INF2: variants seen among roughly 807,000 people sequenced by gnomAD.
INF2 encodes inverted formin-2.
A neutral mutation model predicts 123.5 loss-of-function variants in INF2; 43 were observed. The ratio of observed to expected loss-of-function variants is 0.35; its 90% CI spans 0.27 to 0.45. The LOEUF (loss-of-function observed/expected upper bound fraction) is 0.45. INF2 is among the 20% of genes least tolerant of loss of function. INF2 has a pLI of 1.00. For missense variants in INF2, 1,453 were observed against 1,682.7 expected, an observed-to-expected ratio of 0.86 and a Z score of 2.39; for synonymous variants, 851 against 745.0, an observed-to-expected ratio of 1.14 and a Z score of -2.32.
At chr14:104,687,995 C>T (rs912409279), upstream of INF2, among the ~76,000 whole-genome samples, 1 of 152,246 alleles carries the variant, frequency 6.6e-6, no homozygotes, top group Non-Finnish European at 1.5e-5. This position sits in a 1 kb window ranked among gnomAD's most constrained non-coding sequence, Gnocchi z 5.6. Context: ...AGGGCAGGCA[C>T]CAATGTTCGG....
chr14:104,713,750 G>A (rs1890163248), intron 20 of INF2, 144 bp downstream of exon 20: 3 of 897,372 alleles, frequency 3.3e-6, no homozygotes, highest in African/African-American at 3.4e-5. Flanking sequence ...GGACAGCCGA[G>A]GGGACAGGTG....
At chr14:104,686,694 C>T (rs1364282294), upstream of INF2, among the ~76,000 whole-genome samples, 3 of 152,188 alleles carry the variant, frequency 2.0e-5, no homozygotes, top group Admixed American at 6.5e-5. Context: ...GAAATGAACC[C>T]ATGGCCAGGC....
Position 104,707,650 on chromosome 14 carries a change from A to G in INF2, c.1383A>G (p.Pro461=), listed in dbSNP as rs760078086. The G allele has an allele frequency of 3.6e-6, 1 of 281,254 alleles. No homozygotes were observed. The highest frequency in any genetic ancestry group is 5.5e-6 in the Non-Finnish European group (1 of 183,230). The allele number at this position is 281,254 out of a possible 1,614,324, so 17.4% of individuals were successfully genotyped here. ...CCCTCCCAACAGCACCCCCGCCCCC[A>G]CCCCTGCCAGGCCTGGGGGCCATGG... ...AKALPTAPPP[P]PLPGLGAMAP... The change falls in exon 8 of 23, where the codon CCA becomes CCG. Residue 461 remains proline (P), a synonymous_variant. Transcript: ENST00000392634.
At position 104,712,421 on chromosome 14, in the gene INF2, C is replaced by T. The variant is rs762619345; in HGVS notation, c.2490-12C>T. ...CCGTTGCTGTCTCTGCCCGGCCCTCCTCACCTTTCAGGATCAACCTGGAGA... is the reference window on the plus strand; with the variant it reads ...CCGTTGCTGTCTCTGCCCGGCCCTCTTCACCTTTCAGGATCAACCTGGAGA... On this transcript the variant is annotated splice_polypyrimidine_tract_variant and intron_variant, in intron 16 of 22. Transcript: ENST00000392634. 13 of 1,612,196 alleles carry T rather than the reference C, an allele frequency of 8.1e-6. No homozygotes were observed. The highest frequency in any genetic ancestry group is 4.5e-5 in the East Asian group (2 of 44,876).
chr14:104,711,228 C>A (rs1300108899), intron 15 of INF2, 42 bp downstream of exon 15: 15 of 1,469,690 alleles, frequency 1.0e-5, no homozygotes, highest in Admixed American at 2.0e-5. Flanking sequence ...GGCTTCAAGT[C>A]CCCCCGGACC....
At chr14:104,718,096 T>TGA (rs1890399305) in intron 22 of INF2, among the ~76,000 whole-genome samples, 1 of 152,270 alleles carries the variant, frequency 6.6e-6, no homozygotes, top group African/African-American at 2.4e-5. Context: ...GGAATGGTGC[T>TGA]GAGACCCTCC....
In INF2 at chr14:104,706,073, C is replaced by G; in HGVS notation, c.740C>G (p.Ala247Gly). 1 of 1,612,618 alleles carries G rather than the reference C, an allele frequency of 6.2e-7. No homozygotes were observed. The highest frequency in any genetic ancestry group is 8.5e-7 in the Non-Finnish European group (1 of 1,179,756). Residue 247 changes from alanine (A) to glycine (G), a missense_variant, in exon 6 of 23, where the codon GCT becomes GGT. By Grantham distance (60) the Ala-to-Gly change is moderately conservative (BLOSUM62 0). Around this residue, in one of 8 missense-constraint regions of INF2, gnomAD observed 251 missense variants for 349.4 expected, o/e 0.72. Transcript: ENST00000392634. ...GCCGACCTGCTGATCCAGCTGGAGG[C>G]TTTCGAGGAGGCTAAGGCCGAGGAC... ...EDADLLIQLE[A>G]FEEAKAEDEE...
chr14:104,681,728 G>A (rs1888527552), intron 1 of INF2: 2 of 609,592 alleles, frequency 3.3e-6, no homozygotes, highest in Non-Finnish European at 2.5e-6. Context: ...GCAGAGCCGG[G>A]ACAGCCTGGG....
chr14:104,701,370 C>T lies in INF2; in HGVS notation c.5C>T (p.Ser2Leu). 6.3e-7 allele frequency: 1 copy of T among 1,580,424 alleles called. No individual in the cohort carries two copies. Among genetic ancestry groups the T allele is most frequent in the Non-Finnish European group, 8.6e-7 (1 of 1,162,306 alleles). M[S>L]VKEGAQRKWA... ...CTCTGCCTGCAGCTCGGCAAGATGT[C>T]GGTGAAGGAGGGCGCACAGCGCAAG... is the stretch of plus-strand genomic sequence containing the variant. The change falls in exon 2 of 23, where the codon TCG becomes TTG. Residue 2 changes from serine to leucine, a missense_variant. Physicochemically the swap from Ser to Leu is moderately radical, Grantham distance 145 (BLOSUM62 -2). This residue lies in a region of INF2 where 43 missense variants were observed against 44.7 expected (regional missense o/e 0.96). Transcript: ENST00000392634.
chr14:104,703,011 C>T, intron 2 of INF2, 94 bp from the exon 3 acceptor site: 2 of 1,040,770 alleles, frequency 1.9e-6, no homozygotes, highest in Admixed American at 1.9e-5. Flanking sequence ...TGGCGTCTGC[C>T]TGCCAGGCCC....
intron 22 of INF2, among the ~76,000 whole-genome samples, chr14:104,716,688 T>G (rs867810330): frequency 1.3e-5 from 2 of 152,020 alleles, no homozygotes; most frequent in African/African-American, 4.8e-5. Context: ...CTCCCCAACT[T>G]TTTATTTTTT....
intron 1 of INF2, among the ~76,000 whole-genome samples, chr14:104,682,513 AGCCATCCG>A (rs1317144129): frequency 1.3e-5 from 2 of 152,194 alleles, no homozygotes; most frequent in Non-Finnish European, 2.9e-5. Context: ...GAGCAGGGAC[AGCCATCCG>A]GCCTTTGGGA....
chr14:104,686,764 G>A (rs1295003369), upstream of INF2, among the ~76,000 whole-genome samples: 1 of 152,206 alleles, frequency 6.6e-6, no homozygotes, highest in Non-Finnish European at 1.5e-5. Flanking sequence ...CCTGCTGCAT[G>A]CAGGGCTGTC....
intron 22 of INF2, 42 bp from the exon 23 acceptor site, chr14:104,718,753 C>G (rs2140719752): frequency 6.2e-7 from 1 of 1,609,920 alleles, no homozygotes; most frequent in Non-Finnish European, 8.5e-7. Flanking sequence ...TTGTACCCAG[C>G]AAAACTGCTC....
chr14:104,690,280 C>T (rs1484016064), intron 1 of INF2: 1 of 152,288 alleles, frequency 6.6e-6, no homozygotes, highest in African/African-American at 2.4e-5. Context: ...GCTCTCTGTT[C>T]CTTTTGGGTG....
intron 16 of INF2, among the ~76,000 whole-genome samples, chr14:104,712,111 A>T (rs890072010): frequency 6.6e-6 from 1 of 151,984 alleles, no homozygotes; most frequent in African/African-American, 2.4e-5. Flanking sequence ...GGGCCACCCC[A>T]CTACACAGTC....
In INF2 at chr14:104,711,290, C is replaced by T. The variant is rs931792697; in HGVS notation, c.2418+104C>T. The T allele has an allele frequency of 9.2e-5, 93 of 1,005,534 alleles. No individual in the cohort carries two copies. In the East Asian group the frequency reaches 1.9e-3, roughly 21 times the overall value. The allele number at this position is 1,005,534 out of a possible 1,614,324, so 62.3% of individuals were successfully genotyped here. Reference sequence around the variant, plus strand: ...CCCCCATGCCCACCACTCAGGCCGCCGGTCTCCCTGTCTCAGGGCTCCGTC... The same window carrying T: ...CCCCCATGCCCACCACTCAGGCCGCTGGTCTCCCTGTCTCAGGGCTCCGTC... On this transcript the variant is annotated intron_variant, in intron 15 of 22. Transcript: ENST00000392634.
Position 104,720,290 on chromosome 14 carries a change from T to C in INF2, c.*1497T>C. On this transcript the variant is annotated 3_prime_UTR_variant, in exon 23 of 23. Coordinates refer to ENST00000392634, the MANE Select transcript of INF2 (RefSeq NM_022489.4). ...TCTGTCCATGGACATCTGGGTTGCT[T>C]CCAGTTTGGGGCTTCTGTGAATCCT... 1 of 164,368 alleles carries C rather than the reference T, an allele frequency of 6.1e-6. No homozygotes were observed. Among genetic ancestry groups the C allele is most frequent in the Non-Finnish European group, 1.3e-5 (1 of 75,748 alleles). The allele number at this position is 164,368 out of a possible 1,614,324, so 10.2% of individuals were successfully genotyped here. A position where few individuals can be genotyped will look rare whatever the true frequency, so the allele number is the denominator to read the frequency against.
Position 104,684,081 on chromosome 14 carries a change from A to G in INF2, c.-104+2499A>G, listed in dbSNP as rs779650787. ...TCGTTAGGTGGAGAACCCCTTCTTT[A>G]AGCAAAAGATGGCACGGACCCCCGA... is the stretch of plus-strand genomic sequence containing the variant. On this transcript the variant is annotated intron_variant, in intron 1 of 2. Transcript: ENST00000674723. This position sits in a 1 kb window ranked among gnomAD's most constrained non-coding sequence, Gnocchi z 5.0. 9 of 455,830 alleles carry G rather than the reference A, an allele frequency of 2.0e-5. No homozygotes were observed. The highest frequency in any genetic ancestry group is 1.4e-4 in the South Asian group (9 of 64,554). 28.2% of individuals were successfully genotyped at this position (455,830 alleles called of 1,614,324 possible).
Sources: gnomAD v4.1 joint callset for allele counts (sites outside exome capture counted in the v4.1 genomes callset) on GRCh38, gnomAD v4.1.1 for gene constraint, gnomAD v4.1.1 regional missense constraint, Gnocchi (gnomAD v3.1) non-coding constraint, MANE v1.5 for transcripts, NCBI Gene and HGNC (gene_info 2026-07-23, HGNC 2026-07-21) for gene names.